The following ERAP1 variants were observed in gnomAD, a reference collection of about 807,000 sequenced individuals.
ERAP1 encodes adipocyte-derived leucine aminopeptidase.
ERAP1 carries 86 observed loss-of-function variants against 103.7 expected under a neutral mutation model. That is an observed-to-expected ratio of 0.83 (90% CI 0.70 to 0.99). The LOEUF (loss-of-function observed/expected upper bound fraction) is 0.99, where lower values mean the gene tolerates loss of function less well. ERAP1 is among the 50% of genes least tolerant of loss of function. The probability of loss-of-function intolerance (pLI) is 0.00; values close to 1 mark genes in which losing one functional copy is unlikely to be tolerated. For synonymous variants in ERAP1, 398 were observed against 402.4 expected, an observed-to-expected ratio of 0.99 and a Z score of 0.13; for missense variants, 1,009 against 1,128.4, an observed-to-expected ratio of 0.89 and a Z score of 1.52.
chr5:96,819,660 C>A, the ERAP1 span, among the ~76,000 whole-genome samples: 1 of 152,034 alleles, frequency 6.6e-6, no homozygotes, highest in Non-Finnish European at 1.5e-5. Context: ...TGTTTTTTTA[C>A]GTACTAAGGA....
chr5:96,813,650 C>CAGAA, the ERAP1 span, among the ~76,000 whole-genome samples: 1 of 55,166 alleles, frequency 1.8e-5, no homozygotes, highest in East Asian at 8.1e-4. Flanking sequence ...AGACTCATCT[C>CAGAA]AAAAAAAAAA....
chr5:96,889,336 T>C, the ERAP1 span: 1 of 1,613,080 alleles, frequency 6.2e-7, no homozygotes, highest in East Asian at 2.2e-5. Context: ...ATTGTCTTCA[T>C]TTTTGCTCAT....
At chr5:96,870,648 T>G in the ERAP1 span, among the ~76,000 whole-genome samples, 8 of 152,130 alleles carry the variant, frequency 5.3e-5, no homozygotes, top group Admixed American at 1.3e-4. Flanking sequence ...ATAAACCCAG[T>G]TGGTTCAAAA....
At chr5:96,922,662 C>T in the ERAP1 span, among the ~76,000 whole-genome samples, 2 of 152,324 alleles carry the variant, frequency 1.3e-5, no homozygotes, top group Admixed American at 6.5e-5. Context: ...CCAGACAGAG[C>T]TCGCAGTTGT....
At chr5:96,855,106 T>C in the ERAP1 span, among the ~76,000 whole-genome samples, 3 of 152,322 alleles carry the variant, frequency 2.0e-5, no homozygotes, top group Middle Eastern at 6.8e-3. Context: ...CTATAATGGG[T>C]TTAAAACATT....
rs568711440 is a variant in ERAP1, at chr5:96,774,563, G to A, written c.*1833C>T. The A allele has an allele frequency of 1.0e-6, 1 of 985,314 alleles. No individual in the cohort carries two copies. The highest frequency in any genetic ancestry group is 1.2e-6 in the Non-Finnish European group (1 of 829,624). The allele number at this position is 985,314 out of a possible 1,614,324, so 61.0% of individuals were successfully genotyped here. A position where few individuals can be genotyped will look rare whatever the true frequency, so the allele number is the denominator to read the frequency against. On this transcript the variant is annotated 3_prime_UTR_variant, in exon 19 of 19. Transcript: ENST00000443439. ...GCAATATTGTATCTGTTTAGAAAAT[G>A]GGCTTTTCCAAAAGCAAACAAAGAT...
the ERAP1 span, among the ~76,000 whole-genome samples, chr5:96,886,251 G>A: frequency 6.6e-6 from 1 of 152,154 alleles, no homozygotes; most frequent in African/African-American, 2.4e-5. Context: ...TTTTTCCACA[G>A]GGGTGTACTT....
the ERAP1 span, among the ~76,000 whole-genome samples, chr5:96,863,159 C>G: frequency 7.9e-5 from 12 of 152,204 alleles, 1 homozygote; most frequent in East Asian, 2.3e-3. Context: ...CTGCCCCCAC[C>G]TTCACTCCCT....
chr5:96,804,743 T>C (rs26655), intron 1 of ERAP1: 96,448 of 152,106 alleles, frequency 0.63, 31,303 homozygotes, highest in Non-Finnish European at 0.72. Context: ...GTCAACAGAT[T>C]GAGACCATCC....
the ERAP1 span, among the ~76,000 whole-genome samples, chr5:96,879,300 C>T: frequency 6.6e-6 from 1 of 152,148 alleles, no homozygotes; most frequent in Non-Finnish European, 1.5e-5. Context: ...ATTTACACAC[C>T]TGCCTTCTGC....
intron 2 of ERAP1, 92 bp downstream of exon 2, chr5:96,803,311 G>T (rs1778191661): frequency 7.3e-6 from 10 of 1,377,414 alleles, no homozygotes; most frequent in Non-Finnish European, 1.0e-5. Context: ...AAGTTCAACA[G>T]CAAAGGGAAT....
chr5:96,917,276 TTTG>T, the ERAP1 span, among the ~76,000 whole-genome samples: 1 of 151,976 alleles, frequency 6.6e-6, no homozygotes, highest in Non-Finnish European at 1.5e-5. Flanking sequence ...CCGACTAATT[TTTG>T]TTGTTGTTGT....
chr5:96,770,434 A>C, downstream of ERAP1: 4 of 695,858 alleles, frequency 5.7e-6, no homozygotes, highest in South Asian at 6.8e-5. Flanking sequence ...ATTAAATTGG[A>C]GATCTCAGAA....
chr5:96,816,442 T>C, the ERAP1 span, among the ~76,000 whole-genome samples: 3 of 152,176 alleles, frequency 2.0e-5, no homozygotes, highest in Admixed American at 6.5e-5. Flanking sequence ...CCTCTGCAGC[T>C]AACAGGAAGA....
chr5:96,807,652 C>T (rs919733919), intron 1 of ERAP1, among the ~76,000 whole-genome samples: 1 of 152,154 alleles, frequency 6.6e-6, no homozygotes, highest in African/African-American at 2.4e-5. Context: ...TCCCCCCGCC[C>T]TTCCCGCGCC....
At chr5:96,927,517 C>T in the ERAP1 span, among the ~76,000 whole-genome samples, 1 of 152,010 alleles carries the variant, frequency 6.6e-6, no homozygotes, top group Non-Finnish European at 1.5e-5. Context: ...GACGGAGTCT[C>T]GCTCAGTCGC....
the ERAP1 span, among the ~76,000 whole-genome samples, chr5:96,838,050 G>C: frequency 1.8e-4 from 27 of 152,036 alleles, no homozygotes; most frequent in African/African-American, 6.5e-4. Flanking sequence ...ATGGGCACAG[G>C]GATGGGGGGT....
At chr5:96,880,636 G>C in the ERAP1 span, among the ~76,000 whole-genome samples, 5 of 152,234 alleles carry the variant, frequency 3.3e-5, no homozygotes, top group Admixed American at 1.3e-4. Flanking sequence ...GATTGGGAGA[G>C]AGGAAGTGAC....
At chr5:96,820,166 G>A in the ERAP1 span, among the ~76,000 whole-genome samples, 1 of 152,002 alleles carries the variant, frequency 6.6e-6, no homozygotes, top group Non-Finnish European at 1.5e-5. Context: ...ATCTCTCAAA[G>A]TTCTAAAAAT....
Sources: gnomAD v4.1 joint callset for allele counts (sites outside exome capture counted in the v4.1 genomes callset) on GRCh38, gnomAD v4.1.1 for gene constraint, MANE v1.5 for transcripts, NCBI Gene and HGNC (gene_info 2026-07-23, HGNC 2026-07-21) for gene names.